The following RNF144A variants were observed in gnomAD, a reference collection of about 807,000 sequenced individuals.
The protein encoded by RNF144A is ring finger protein 144A.
In RNF144A, 11 loss-of-function variants were observed where a neutral mutation model predicts 38.7. The ratio of observed to expected loss-of-function variants is 0.28; its 90% CI spans 0.18 to 0.47. The LOEUF (loss-of-function observed/expected upper bound fraction) is 0.47, where lower values mean the gene tolerates loss of function less well. Ranked by LOEUF, RNF144A falls within the 20% of genes least tolerant of loss-of-function variation. The probability of loss-of-function intolerance (pLI) is 0.99; values close to 1 mark genes in which losing one functional copy is unlikely to be tolerated. For synonymous variants in RNF144A, 149 were observed against 143.9 expected, an observed-to-expected ratio of 1.04 and a Z score of -0.25; for missense variants, 316 against 377.2, an observed-to-expected ratio of 0.84 and a Z score of 1.34.
chr2:6,960,890 C>T (rs910072960), intron 2 of RNF144A, among the ~76,000 whole-genome samples: 2 of 152,104 alleles, frequency 1.3e-5, no homozygotes, highest in East Asian at 1.9e-4. Flanking sequence ...TGCTGGCATG[C>T]GCTTACTTTT....
At chr2:7,024,224 G>GT (rs1240404924) in intron 6 of RNF144A, 145 bp from the exon 7 acceptor site, 3 of 678,188 alleles carry the variant, frequency 4.4e-6, no homozygotes, top group African/African-American at 3.7e-5. Context: ...CTGTTTCTTT[G>GT]TTTTTTGGTT....
In RNF144A at chr2:6,944,888, G is replaced by T. The variant is rs537840595; in HGVS notation, c.-12+3741G>T. On this transcript the variant is annotated intron_variant, in intron 2 of 8. Coordinates refer to ENST00000320892, the MANE Select transcript of RNF144A (RefSeq NM_014746.6). The surrounding 1 kb of genome is among the most constrained non-coding windows in gnomAD (Gnocchi z 4.7). ...AAAATGACATTCCAGCACGAGCAAAGATTTTTTAAATGTTTAGAATTTATA... is the reference window on the plus strand; with the variant it reads ...AAAATGACATTCCAGCACGAGCAAATATTTTTTAAATGTTTAGAATTTATA... Among the ~76,000 whole-genome samples the T allele has an allele frequency of 3.1e-3, 465 of 152,350 alleles. 1 individual carries two copies. The highest frequency in any genetic ancestry group is 0.011 in the African/African-American group (446 of 41,584).
chr2:7,011,753 T>C (rs1670824939), intron 3 of RNF144A, among the ~76,000 whole-genome samples: 1 of 152,240 alleles, frequency 6.6e-6, no homozygotes, highest in Admixed American at 6.5e-5. Flanking sequence ...TTTTTGCAAT[T>C]AGAATGAAAA....
At chr2:6,988,244 C>A (rs527577895) in intron 2 of RNF144A, among the ~76,000 whole-genome samples, 1 of 152,322 alleles carries the variant, frequency 6.6e-6, no homozygotes, top group South Asian at 2.1e-4. Context: ...CTCCTGTTAA[C>A]GTCTTGCGTT....
At chr2:6,936,497 G>A (rs188442721) in intron 1 of RNF144A, among the ~76,000 whole-genome samples, 27 of 152,224 alleles carry the variant, frequency 1.8e-4, no homozygotes, top group African/African-American at 6.0e-4. Context: ...TTTTATTGTA[G>A]TGATTTCAGC....
rs75821065 is a variant in RNF144A at position 6,944,039 on chromosome 2, G to A, written c.-12+2892G>A. Among the ~76,000 whole-genome samples, 3,077 of 152,248 alleles carry A rather than the reference G, an allele frequency of 0.02. 100 individuals are homozygous for A. The highest frequency in any genetic ancestry group is 0.07 in the African/African-American group (2,920 of 41,528). The stretch of plus-strand genomic sequence containing the variant: ...GAGTGATCTTTTGGCCAAGCTGAGA[G>A]GGACACAGTGAAAGAATGGCTGGAA... On this transcript the variant is annotated intron_variant, in intron 2 of 8. Transcript: ENST00000320892. The surrounding 1 kb of genome is among the most constrained non-coding windows in gnomAD (Gnocchi z 4.7).
rs775389414 is a variant in RNF144A at position 6,996,965 on chromosome 2, C to A, written c.39C>A (p.Ala13=). 18 of 1,613,902 alleles carry A rather than the reference C, an allele frequency of 1.1e-5. No homozygotes were observed. In the South Asian group the frequency reaches 1.8e-4, roughly 16 times the overall value. Residue 13 remains alanine (A), a synonymous_variant, in exon 3 of 9, where the codon GCC becomes GCA. Transcript: ENST00000320892. ...GGTACCGGCCCACCTGGGACCTGGC[C>A]CTCGACCCGCTGGTGTCTTGCAAGC... ...TTRYRPTWDL[A]LDPLVSCKLC...
chr2:6,972,813 C>T (rs1430234997), intron 2 of RNF144A, among the ~76,000 whole-genome samples: 5 of 152,190 alleles, frequency 3.3e-5, no homozygotes, highest in Non-Finnish European at 7.3e-5. Flanking sequence ...TCTGGCAAAG[C>T]AGAAGATCCG....
At chr2:7,015,097 G>C (rs1413822358) in intron 5 of RNF144A, among the ~76,000 whole-genome samples, 2 of 152,160 alleles carry the variant, frequency 1.3e-5, no homozygotes, top group Non-Finnish European at 2.9e-5. Context: ...CTGAGTTTGA[G>C]GGCTAAACTC....
rs1258507327 is a variant in RNF144A at position 6,941,296 on chromosome 2, T to A, written c.-12+149T>A. On this transcript the variant is annotated intron_variant, in intron 2 of 8. Coordinates refer to ENST00000320892, the MANE Select transcript of RNF144A (RefSeq NM_014746.6). This position sits in a 1 kb window ranked among gnomAD's most constrained non-coding sequence, Gnocchi z 6.5. ...CCATACCATAAAGGCAATTTTCTAG[T>A]AGGTTTCCCCGGAATGAATTTTAAG... is the stretch of plus-strand genomic sequence containing the variant. The A allele has an allele frequency of 6.6e-6, 1 of 152,264 alleles. No individual in the cohort carries two copies. The highest frequency in any genetic ancestry group is 2.4e-5 in the African/African-American group (1 of 41,466). The allele number at this position is 152,264 out of a possible 1,614,324, so 9.4% of individuals were successfully genotyped here.
Position 7,030,169 on chromosome 2 carries a change from A to G in RNF144A, c.701A>G (p.Asn234Ser). The G allele has an allele frequency of 6.2e-7, 1 of 1,614,002 alleles. No individual in the cohort carries two copies. The highest frequency in any genetic ancestry group is 1.3e-5 in the African/African-American group (1 of 75,024). The change falls in exon 8 of 9, where the codon AAC (asparagine) becomes AGC (serine). Residue 234 changes from asparagine (N) to serine (S), a missense_variant. Transcript: ENST00000320892. ...CACTACGATAAGGGACCCTGCCGGA[A>G]CAAGCTGGGCCACTCCCGGGCATCT... ...LIHYDKGPCRNKLGHSRASVI... is the reference protein window; with the variant it reads ...LIHYDKGPCRSKLGHSRASVI...
chr2:7,044,332 G>A (rs1673216214), downstream of RNF144A: 1 of 380,858 alleles, frequency 2.6e-6, no homozygotes, highest in Non-Finnish European at 3.6e-6. Flanking sequence ...TGAGGCAGGG[G>A]AGGGATCTTA....
downstream of RNF144A, among the ~76,000 whole-genome samples, chr2:7,068,908 C>A (rs764035932): frequency 6.4e-4 from 97 of 152,324 alleles, 1 homozygote; most frequent in Middle Eastern, 3.4e-3. Context: ...GGCTGCCTGG[C>A]ACCTCCTGGG....
chr2:7,020,454 T>C lies in RNF144A; in HGVS notation c.302-19T>C. ...CTCTGGCTTAAGTTTGATTTGTCCA[T>C]TTTGTCTCACTGTACCAGAGGTGCT... On this transcript the variant is annotated intron_variant, in intron 5 of 8. Coordinates refer to ENST00000320892, the MANE Select transcript of RNF144A (RefSeq NM_014746.6). The C allele has an allele frequency of 1.2e-6, 2 of 1,607,302 alleles. No individual in the cohort carries two copies. The highest frequency in any genetic ancestry group is 1.7e-6 in the Non-Finnish European group (2 of 1,174,670).
At chr2:7,065,200 A>G (rs1674157062) in intron 6 of RNF144A, among the ~76,000 whole-genome samples, 1 of 152,168 alleles carries the variant, frequency 6.6e-6, no homozygotes, top group Non-Finnish European at 1.5e-5. Context: ...TTTAGTTTAT[A>G]TTTCTTTTGT....
chr2:6,990,398 A>G (rs868389993), intron 2 of RNF144A, among the ~76,000 whole-genome samples: 2,380 of 66,710 alleles, frequency 0.036, 49 homozygotes, highest in African/African-American at 0.062. Context: ...ACACACACAC[A>G]CACACACACA....
intron 1 of RNF144A, among the ~76,000 whole-genome samples, chr2:6,919,014 T>C (rs1664358972): frequency 6.6e-6 from 1 of 151,858 alleles, no homozygotes; most frequent in Non-Finnish European, 1.5e-5. Context: ...GGGTTGAGAG[T>C]TGAGCCTGGC....
chr2:7,008,090 C>T (rs1167811407), intron 3 of RNF144A, among the ~76,000 whole-genome samples: 1 of 152,192 alleles, frequency 6.6e-6, no homozygotes, highest in African/African-American at 2.4e-5. Context: ...AGCCCAGTGG[C>T]GTCCCTAGAG....
chr2:7,044,421 T>C (rs1673219705), downstream of RNF144A, among the ~76,000 whole-genome samples: 1 of 152,238 alleles, frequency 6.6e-6, no homozygotes, highest in South Asian at 2.1e-4. Context: ...CCAAAATTAC[T>C]TGGTTTGTTG....
Sources: allele counts gnomAD v4.1 joint callset (sites outside exome capture counted in the v4.1 genomes callset), GRCh38; gene constraint gnomAD v4.1.1; non-coding constraint Gnocchi (gnomAD v3.1); transcripts MANE v1.5; gene names NCBI Gene and HGNC (gene_info 2026-07-23, HGNC 2026-07-21).